FRMPD2: variants seen among roughly 807,000 people sequenced by gnomAD.
FRMPD2 encodes the protein FERM and PDZ domain-containing protein 2.
Under a neutral mutation model 140.1 loss-of-function variants are expected in FRMPD2, and 96 were observed. The observed-to-expected ratio is 0.69, with a 90% CI of 0.58 to 0.81. The LOEUF (loss-of-function observed/expected upper bound fraction) is 0.81. Among genes scored for constraint, FRMPD2 ranks in the 40% least tolerant of loss-of-function variants. The probability of loss-of-function intolerance (pLI) is 0.00; values close to 1 mark genes in which losing one functional copy is unlikely to be tolerated. For synonymous variants in FRMPD2, 449 were observed against 547.6 expected, an observed-to-expected ratio of 0.82 and a Z score of 2.52; for missense variants, 1,240 against 1,447.4, an observed-to-expected ratio of 0.86 and a Z score of 2.32.
rs928481597 is a variant in FRMPD2, at chr10:48,244,866, T to C, written c.310-17A>G. 6.4e-7 allele frequency: 1 copy of C among 1,573,026 alleles called. No homozygotes were observed. Among genetic ancestry groups the C allele is most frequent in the Non-Finnish European group, 8.7e-7 (1 of 1,142,874 alleles). On this transcript the variant is annotated splice_polypyrimidine_tract_variant and intron_variant, in intron 3 of 28. Transcript: ENST00000374201. ...GACATGCATCTGCCCAAAAGAAGAGTACATGATTAGATTTCAATCATCTCT... is the reference window on the plus strand; with the variant it reads ...GACATGCATCTGCCCAAAAGAAGAGCACATGATTAGATTTCAATCATCTCT...
chr10:48,266,853 A>G (rs1230569532), intron 1 of FRMPD2, among the ~76,000 whole-genome samples: 3 of 152,186 alleles, frequency 2.0e-5, no homozygotes, highest in Non-Finnish European at 4.4e-5. Flanking sequence ...TACTTTTACC[A>G]CCATGCAGTG....
intron 12 of FRMPD2, among the ~76,000 whole-genome samples, chr10:48,215,779 C>T (rs1385753226): frequency 6.6e-6 from 1 of 152,102 alleles, no homozygotes; most frequent in African/African-American, 2.4e-5. Context: ...TGAGATCAGT[C>T]AGAAACTGGA....
chr10:48,192,261 A>G (rs1038165366), intron 16 of FRMPD2, among the ~76,000 whole-genome samples: 4 of 152,088 alleles, frequency 2.6e-5, no homozygotes, highest in African/African-American at 7.2e-5. Context: ...ATAAATATAC[A>G]CTTTTCCTAG....
chr10:48,174,045 T>C (rs1208435343), intron 24 of FRMPD2, among the ~76,000 whole-genome samples: 6 of 152,202 alleles, frequency 3.9e-5, no homozygotes, highest in African/African-American at 1.2e-4. Context: ...AAATTATGGC[T>C]CTGTTCTCAA....
intron 15 of FRMPD2, among the ~76,000 whole-genome samples, chr10:48,194,715 G>A (rs1297431352): frequency 6.6e-6 from 1 of 152,092 alleles, no homozygotes; most frequent in Non-Finnish European, 1.5e-5. Context: ...TGCTTAGTGA[G>A]GTCAGGAAAT....
At position 48,243,066 on chromosome 10, in the gene FRMPD2, T is replaced by G. The variant is rs148232972; in HGVS notation, c.376-714A>C. Reference sequence around the variant, plus strand: ...CACTACCGCTTCTTGCTGGGGAGCATCAGCTGTGAGCACCTATCTCTGTGT... The same window carrying G: ...CACTACCGCTTCTTGCTGGGGAGCAGCAGCTGTGAGCACCTATCTCTGTGT... On this transcript the variant is annotated intron_variant, in intron 4 of 28. Coordinates refer to ENST00000374201, the MANE Select transcript of FRMPD2 (RefSeq NM_001018071.4). 5.2e-3 allele frequency among the ~76,000 whole-genome samples: 785 copies of G among 152,312 alleles called. 7 individuals carry two copies. The highest frequency in any genetic ancestry group is 0.018 in the African/African-American group (736 of 41,558).
At chr10:48,206,038 T>C (rs1483015723) in intron 14 of FRMPD2, among the ~76,000 whole-genome samples, 4 of 152,106 alleles carry the variant, frequency 2.6e-5, no homozygotes, top group South Asian at 2.1e-4. Flanking sequence ...TTATAATAAA[T>C]CGTCACTGAA....
chr10:48,212,075 T>C lies in FRMPD2; in HGVS notation c.1490A>G (p.Asp497Gly), dbSNP rs527289137. The change falls in exon 13 of 29, where the codon GAT (aspartate) becomes GGT (glycine). Residue 497 changes from aspartate to glycine, a missense_variant. Asp to Gly is a moderately conservative substitution (Grantham distance 94). Transcript: ENST00000374201. ...CTCGATCAGACTCGCTGGGATGTAATCTTCAACGTGAAAGTATGGCTTACT... is the reference window on the plus strand; with the variant it reads ...CTCGATCAGACTCGCTGGGATGTAACCTTCAACGTGAAAGTATGGCTTACT... ...VESKPYFHVE[D>G]YIPASLIERM... The C allele has an allele frequency of 1.9e-6, 3 of 1,614,082 alleles. No individual in the cohort carries two copies. The highest frequency in any genetic ancestry group is 2.2e-5 in the South Asian group (2 of 91,068).
chr10:48,208,425 C>A (rs886805866), intron 13 of FRMPD2, among the ~76,000 whole-genome samples: 9 of 152,142 alleles, frequency 5.9e-5, no homozygotes, highest in Non-Finnish European at 1.0e-4. Flanking sequence ...TAAGCCTCTC[C>A]CAGCATGATT....
intron 27 of FRMPD2, among the ~76,000 whole-genome samples, chr10:48,167,568 A>C (rs1838129114): frequency 8.5e-6 from 1 of 117,280 alleles, no homozygotes; most frequent in African/African-American, 3.3e-5. Flanking sequence ...GCCCCACCCC[A>C]CCTCAGTCAC....
chr10:48,212,149 A>C (rs199965005), intron 12 of FRMPD2, 40 bp from the exon 13 acceptor site: 18 of 1,601,762 alleles, frequency 1.1e-5, no homozygotes, highest in Non-Finnish European at 1.5e-5. Flanking sequence ...CAATCCAGAC[A>C]CTGGCCGGGG....
At chr10:48,273,861 C>T (rs1840810470) in intron 1 of FRMPD2, among the ~76,000 whole-genome samples, 1 of 151,684 alleles carries the variant, frequency 6.6e-6, no homozygotes, top group Non-Finnish European at 1.5e-5. Flanking sequence ...AGACACGACT[C>T]ATCTCTGAAC....
chr10:48,171,624 A>G (rs1366532208), intron 25 of FRMPD2, among the ~76,000 whole-genome samples: 1 of 152,280 alleles, frequency 6.6e-6, no homozygotes, highest in Non-Finnish European at 1.5e-5. Flanking sequence ...TATTCTTCTT[A>G]CGAACTAAGC....
intron 22 of FRMPD2, chr10:48,177,383 T>G (rs1302416502): frequency 1.3e-5 from 2 of 151,354 alleles, no homozygotes; most frequent in Non-Finnish European, 2.9e-5. Context: ...AGTTCTGGGA[T>G]TACAGTCATG....
rs879909099 is a variant in FRMPD2, at chr10:48,200,193, T to TAAAAA, written c.1954+1034_1954+1035insTTTTT. Among the ~76,000 whole-genome samples the TAAAAA allele has an allele frequency of 1.9e-4, 27 of 139,442 alleles. 1 individual carries two copies. The highest frequency in any genetic ancestry group is 2.5e-4 in the Non-Finnish European group (16 of 63,866). The allele number at this position is 139,442 out of a possible 152,430, so 91.5% of individuals were successfully genotyped here. A position where few individuals can be genotyped will look rare whatever the true frequency, so the allele number is the denominator to read the frequency against. On this transcript the variant is annotated intron_variant, in intron 15 of 28. Coordinates refer to ENST00000374201, the MANE Select transcript of FRMPD2 (RefSeq NM_001018071.4). ...ATAAATAAATAAATAAATAAATAAA[T>TAAAAA]AAATAAAACAGAGCCAAGCAACCAT...
intron 13 of FRMPD2, among the ~76,000 whole-genome samples, chr10:48,207,968 C>T (rs567623394): frequency 6.6e-6 from 1 of 152,304 alleles, no homozygotes; most frequent in African/African-American, 2.4e-5. Flanking sequence ...CTCCACAGCT[C>T]TTCACACAGG....
chr10:48,238,973 CCTCTCTCCT>C (rs1840033431), intron 7 of FRMPD2, among the ~76,000 whole-genome samples: 3 of 152,182 alleles, frequency 2.0e-5, no homozygotes, highest in African/African-American at 2.4e-5. Context: ...ACCTTGCCGT[CCTCTCTCCT>C]CTCTCTCCTC....
intron 9 of FRMPD2, among the ~76,000 whole-genome samples, chr10:48,235,662 T>C (rs1839950487): frequency 6.6e-6 from 1 of 152,220 alleles, no homozygotes; most frequent in Non-Finnish European, 1.5e-5. Flanking sequence ...GAAAGCCAAG[T>C]TGACAATGTG....
At chr10:48,171,686 C>T (rs2132405622) in intron 25 of FRMPD2, among the ~76,000 whole-genome samples, 1 of 152,240 alleles carries the variant, frequency 6.6e-6, no homozygotes, top group South Asian at 2.1e-4. Flanking sequence ...CATTTCAAGT[C>T]CTCAATAACC....
Sources: gnomAD v4.1 joint callset for allele counts (sites outside exome capture counted in the v4.1 genomes callset) on GRCh38, gnomAD v4.1.1 for gene constraint, MANE v1.5 for transcripts, NCBI Gene and HGNC (gene_info 2026-07-23, HGNC 2026-07-21) for gene names.